BLM: variants seen among roughly 807,000 people sequenced by gnomAD.
BLM encodes the protein recQ-like DNA helicase BLM.
A neutral mutation model predicts 135.3 loss-of-function variants in BLM; 95 were observed. That is an observed-to-expected ratio of 0.70 (90% CI 0.59 to 0.83). The LOEUF (loss-of-function observed/expected upper bound fraction) is 0.83, where lower values mean the gene tolerates loss of function less well. BLM is among the 40% of genes least tolerant of loss of function. The pLI is 0.00. For synonymous variants in BLM, 520 were observed against 589.2 expected (o/e 0.88, Z 1.70); for missense variants, 1,518 against 1,663.9 (o/e 0.91, Z 1.53).
intron 5 of BLM, among the ~76,000 whole-genome samples, chr15:90,759,461 C>G (rs534239908): frequency 6.6e-6 from 1 of 151,586 alleles, no homozygotes; most frequent in Non-Finnish European, 1.5e-5. Flanking sequence ...GGCACAGTGG[C>G]ATAGGCCTGT....
At chr15:90,731,058 G>C (rs1481554495) in intron 1 of BLM, among the ~76,000 whole-genome samples, 1 of 152,004 alleles carries the variant, frequency 6.6e-6, no homozygotes, top group East Asian at 1.9e-4. Context: ...TCCCATCTCA[G>C]CTTCCCAAGT....
intron 5 of BLM, among the ~76,000 whole-genome samples, chr15:90,756,738 T>C (rs1285393155): frequency 6.6e-6 from 1 of 152,186 alleles, no homozygotes; most frequent in East Asian, 1.9e-4. Flanking sequence ...CTGTTCTTTA[T>C]CCATGGAGAC....
At chr15:90,780,076 G>A (rs935807898) in intron 12 of BLM, among the ~76,000 whole-genome samples, 3 of 149,324 alleles carry the variant, frequency 2.0e-5, no homozygotes, top group African/African-American at 5.0e-5. Flanking sequence ...AAACAAGCAG[G>A]ATGTCTTTTT....
intron 17 of BLM, 144 bp from the exon 18 acceptor site, chr15:90,803,377 T>C: frequency 1.5e-6 from 1 of 655,826 alleles, no homozygotes; most frequent in Non-Finnish European, 2.6e-6. Flanking sequence ...ATACTCTCAT[T>C]TAACAGAAAT....
At chr15:90,737,528 C>G (rs374766539) in intron 1 of BLM, among the ~76,000 whole-genome samples, 48 of 152,124 alleles carry the variant, frequency 3.2e-4, no homozygotes, top group African/African-American at 1.1e-3. Context: ...AATGTTGTGC[C>G]AGGTAATAAG....
At chr15:90,769,307 AC>A in intron 11 of BLM, 76 bp downstream of exon 11, 5 of 1,538,150 alleles carry the variant, frequency 3.3e-6, no homozygotes, top group Non-Finnish European at 4.5e-6. Flanking sequence ...CTGAATAAAA[AC>A]CCACACTGAG....
chr15:90,732,732 A>C (rs1196932479), intron 1 of BLM, among the ~76,000 whole-genome samples: 2 of 152,206 alleles, frequency 1.3e-5, no homozygotes, highest in Non-Finnish European at 2.9e-5. Context: ...CGAAAGCACA[A>C]GAGAATAAAT....
At chr15:90,767,649 C>A (rs560808505) in intron 10 of BLM, among the ~76,000 whole-genome samples, 2 of 152,174 alleles carry the variant, frequency 1.3e-5, no homozygotes, top group African/African-American at 4.8e-5. Flanking sequence ...GATGTCGATT[C>A]GTCCCATTAC....
chr15:90,726,739 A>G (rs550678988), intron 1 of BLM, among the ~76,000 whole-genome samples: 1 of 152,304 alleles, frequency 6.6e-6, no homozygotes, highest in East Asian at 1.9e-4. Context: ...CTCAGGTTCC[A>G]TGTTGCTGTG....
chr15:90,788,484 T>G (rs1409079470), intron 14 of BLM, among the ~76,000 whole-genome samples: 94 of 150,494 alleles, frequency 6.2e-4, no homozygotes, highest in African/African-American at 2.1e-3. Context: ...TTTTTTTTTT[T>G]TTTTTTTTTT....
intron 17 of BLM, among the ~76,000 whole-genome samples, chr15:90,799,273 A>C (rs964513238): frequency 6.6e-6 from 1 of 151,834 alleles, no homozygotes; most frequent in East Asian, 1.9e-4. Context: ...GGGAGAGAAG[A>C]CTCCTTAGTA....
At chr15:90,809,404 C>A in intron 20 of BLM, 145 bp downstream of exon 20, 1 of 1,353,222 alleles carries the variant, frequency 7.4e-7, no homozygotes, top group South Asian at 1.2e-5. Context: ...GTGTGCCAGT[C>A]ACCTCTGAGA....
intron 4 of BLM, among the ~76,000 whole-genome samples, chr15:90,753,504 C>T (rs1895741450): frequency 6.6e-6 from 1 of 152,104 alleles, no homozygotes; most frequent in African/African-American, 2.4e-5. Flanking sequence ...TACCTAGAGT[C>T]TTAGCAATTA....
rs550654498 is a variant in BLM, at chr15:90,731,825, A to G, written c.-5+14385A>G. 1.3e-4 allele frequency among the ~76,000 whole-genome samples: 19 copies of G among 151,816 alleles called. No individual in the cohort carries two copies. In the South Asian group the frequency reaches 3.9e-3, roughly 32 times the overall value. ...CTCTTAAAAATTTTTTTAAAAATCTATTTATTTATTTATTTTGAGACCGGT... is the reference window on the plus strand; with the variant it reads ...CTCTTAAAAATTTTTTTAAAAATCTGTTTATTTATTTATTTTGAGACCGGT... On this transcript the variant is annotated intron_variant, in intron 1 of 21. Coordinates refer to ENST00000355112, the MANE Select transcript of BLM (RefSeq NM_000057.4).
At chr15:90,753,357 T>C (rs1182182785) in intron 4 of BLM, among the ~76,000 whole-genome samples, 1 of 152,262 alleles carries the variant, frequency 6.6e-6, no homozygotes, top group Non-Finnish European at 1.5e-5. Context: ...TGCATTGTTG[T>C]AATCAACATG....
chr15:90,728,442 A>G (rs1894974647), intron 1 of BLM, among the ~76,000 whole-genome samples: 1 of 152,092 alleles, frequency 6.6e-6, no homozygotes, highest in Non-Finnish European at 1.5e-5. Flanking sequence ...TGTCACCCAG[A>G]CTGAAGTGCA....
intron 1 of BLM, among the ~76,000 whole-genome samples, 152 bp from the exon 2 acceptor site, chr15:90,747,237 C>CA (rs59331923): frequency 0.053 from 2,095 of 39,282 alleles, 257 homozygotes; most frequent in Non-Finnish European, 0.063. Flanking sequence ...GTCTATTGAC[C>CA]AAAAAAAAAA....
intron 14 of BLM, among the ~76,000 whole-genome samples, chr15:90,788,115 A>AATGGG (rs1387564760): frequency 1.3e-5 from 2 of 152,170 alleles, no homozygotes; most frequent in Admixed American, 1.3e-4. Flanking sequence ...AAGAGATTAA[A>AATGGG]ATGGGGTGGG....
At chr15:90,720,674 C>T (rs557125087) in intron 1 of BLM, among the ~76,000 whole-genome samples, 6 of 151,948 alleles carry the variant, frequency 3.9e-5, no homozygotes, top group Admixed American at 2.0e-4. Flanking sequence ...TCCAGCCTCC[C>T]GGGCTCAAGT....
Sources: allele counts gnomAD v4.1 joint callset (sites outside exome capture counted in the v4.1 genomes callset), GRCh38; gene constraint gnomAD v4.1.1; transcripts MANE v1.5; gene names NCBI Gene and HGNC (gene_info 2026-07-23, HGNC 2026-07-21).